The following BTD variants were observed in gnomAD, a reference collection of about 807,000 sequenced individuals.
BTD encodes biocytinase.
BTD carries 13 observed loss-of-function variants against 17.7 expected under a neutral mutation model. The observed-to-expected ratio is 0.74, with a 90% CI of 0.48 to 1.17. The LOEUF (loss-of-function observed/expected upper bound fraction) is 1.17, where lower values mean the gene tolerates loss of function less well. BTD is among the 50% of genes most tolerant of loss of function. BTD has a pLI of 0.00. For missense variants in BTD, 674 were observed against 650.4 expected, an observed-to-expected ratio of 1.04 and a Z score of -0.39; for synonymous variants, 240 against 245.2, an observed-to-expected ratio of 0.98 and a Z score of 0.20.
intron 3 of BTD, chr3:15,642,300 A>G (rs1376159477): frequency 2.1e-6 from 3 of 1,408,886 alleles, no homozygotes; most frequent in Non-Finnish European, 2.8e-6. Flanking sequence ...ACAGGAATGT[A>G]TACTTAAACC....
At chr3:15,603,148 G>C (rs147756762) in intron 1 of BTD, among the ~76,000 whole-genome samples, 1 of 152,194 alleles carries the variant, frequency 6.6e-6, no homozygotes, top group Non-Finnish European at 1.5e-5. Context: ...GATTATGGGA[G>C]CTATAATTCA....
chr3:15,636,247 G>A (rs186154070), intron 2 of BTD, among the ~76,000 whole-genome samples: 514 of 152,262 alleles, frequency 3.4e-3, no homozygotes, highest in Admixed American at 7.1e-3. Flanking sequence ...CAAGAATGCC[G>A]TTTGCTCCCT....
intron 1 of BTD, among the ~76,000 whole-genome samples, chr3:15,617,750 T>C (rs2064834740): frequency 6.6e-6 from 1 of 152,232 alleles, no homozygotes; most frequent in East Asian, 1.9e-4. Flanking sequence ...TAAGACCAGT[T>C]GACTGTATTT....
At chr3:15,654,889 C>T (rs2065856372), downstream of BTD, among the ~76,000 whole-genome samples, 1 of 152,224 alleles carries the variant, frequency 6.6e-6, no homozygotes, top group Non-Finnish European at 1.5e-5. Flanking sequence ...CATGCGCCAC[C>T]ATACCCGGCT....
In BTD at chr3:15,635,532, CCAT is replaced by C; in HGVS notation, c.96_98del (p.His33del). On this transcript the variant is annotated inframe_deletion, in exon 2 of 4. Coordinates refer to ENST00000643237, the MANE Select transcript of BTD (RefSeq NM_001370658.1). This position sits in a 1 kb window ranked among gnomAD's most constrained non-coding sequence, Gnocchi z 4.1. ...ACACCGGGGAGGAGAGCGTGGCTGACCATCACGAGGCTGAATATTATGTGGCTG... is the reference window on the plus strand; with the variant it reads ...ACACCGGGGAGGAGAGCGTGGCTGACCACGAGGCTGAATATTATGTGGCTG... 1 of 1,614,186 alleles carries C rather than the reference CCAT, an allele frequency of 6.2e-7. No homozygotes were observed. The highest frequency in any genetic ancestry group is 8.5e-7 in the Non-Finnish European group (1 of 1,180,044).
At chr3:15,694,673 A>C in intron 3 of BTD, 1 of 1,411,756 alleles carries the variant, frequency 7.1e-7, no homozygotes. Flanking sequence ...GAGTCAACAC[A>C]AATAGGTTAT....
chr3:15,713,594 T>G, downstream of BTD: 10 of 1,610,644 alleles, frequency 6.2e-6, no homozygotes, highest in Non-Finnish European at 8.5e-6. Flanking sequence ...CGTGCTGCTA[T>G]GTGCAAAGGG....
chr3:15,643,044 A>T lies in BTD; in HGVS notation c.399+987A>T, dbSNP rs1186404204. 2.2e-4 allele frequency among the ~76,000 whole-genome samples: 26 copies of T among 116,990 alleles called. No individual in the cohort carries two copies. In the South Asian group the frequency reaches 4.5e-3, roughly 20 times the overall value. The allele number at this position is 116,990 out of a possible 152,430, so 76.7% of individuals were successfully genotyped here. ...CTCTGCCTCAAAAAAAAAAAAAAAA[A>T]TAAAATAAAATAAAGAAATGGAATC... On this transcript the variant is annotated intron_variant, in intron 3 of 3. Coordinates refer to ENST00000643237, the MANE Select transcript of BTD (RefSeq NM_001370658.1).
intron 1 of BTD, among the ~76,000 whole-genome samples, chr3:15,610,073 G>A (rs2064569787): frequency 6.6e-6 from 1 of 152,088 alleles, no homozygotes; most frequent in African/African-American, 2.4e-5. Context: ...GATTTGCTGT[G>A]TAATTAACCA....
Position 15,646,319 on chromosome 3 carries a change from G to A in BTD, c.*831G>A, listed in dbSNP as rs1315672397. The A allele has an allele frequency of 6.6e-6, 1 of 152,288 alleles. No homozygotes were observed. The highest frequency in any genetic ancestry group is 1.5e-5 in the Non-Finnish European group (1 of 68,106). 9.4% of individuals were successfully genotyped at this position (152,288 alleles called of 1,614,324 possible). ...ATCACGGTAGCTTTGGGCAAGAGTTGGGCACGTTGCCCGACTGTGCAGGAT... is the reference window on the plus strand; with the variant it reads ...ATCACGGTAGCTTTGGGCAAGAGTTAGGCACGTTGCCCGACTGTGCAGGAT... On this transcript the variant is annotated 3_prime_UTR_variant, in exon 4 of 4. Coordinates refer to ENST00000643237, the MANE Select transcript of BTD (RefSeq NM_001370658.1).
intron 1 of BTD, among the ~76,000 whole-genome samples, chr3:15,630,395 G>A (rs531675611): frequency 7.9e-5 from 12 of 152,326 alleles, no homozygotes; most frequent in Admixed American, 1.3e-4. Context: ...TCTATAGAAA[G>A]TGAAAGACAG....
intron 3 of BTD, among the ~76,000 whole-genome samples, chr3:15,689,461 G>T (rs768295926): frequency 6.6e-6 from 1 of 152,188 alleles, no homozygotes; most frequent in Non-Finnish European, 1.5e-5. Context: ...ATTGCAGAAG[G>T]TATCAGCAAG....
chr3:15,604,747 C>G (rs2064391615), intron 1 of BTD, among the ~76,000 whole-genome samples: 1 of 152,186 alleles, frequency 6.6e-6, no homozygotes, highest in Non-Finnish European at 1.5e-5. Context: ...GTTCAAAGTT[C>G]CACAGATCTC....
At chr3:15,675,807 C>T in intron 3 of BTD, 16 of 1,114,600 alleles carry the variant, frequency 1.4e-5, no homozygotes, top group Non-Finnish European at 1.9e-5. Flanking sequence ...CCTCTTTGAC[C>T]AATAAAAAAT....
chr3:15,712,870 T>G (rs1253798065), downstream of BTD, among the ~76,000 whole-genome samples: 6 of 152,182 alleles, frequency 3.9e-5, no homozygotes, highest in East Asian at 9.6e-4. Flanking sequence ...TGGAAAAAGT[T>G]ACAAAACAGA....
Position 15,644,649 on chromosome 3 carries a change from C to G in BTD, c.733C>G (p.His245Asp). The change falls in exon 4 of 4, where the codon CAT becomes GAT. Residue 245 changes from histidine (H) to aspartate (D), a missense_variant. By Grantham distance (81) the His-to-Asp change is moderately conservative. Coordinates refer to ENST00000643237, the MANE Select transcript of BTD (RefSeq NM_001370658.1). ...AGTCCTCAGAGACTACAAGGTGAAG[C>G]ATGTTGTGTACCCAACTGCCTGGAT... ...IRVLRDYKVK[H>D]VVYPTAWMNQ... 1 of 1,614,200 alleles carries G rather than the reference C, an allele frequency of 6.2e-7. No homozygotes were observed. Among genetic ancestry groups the G allele is most frequent in the Non-Finnish European group, 8.5e-7 (1 of 1,180,038 alleles).
At chr3:15,674,289 T>C (rs1419368230) in intron 3 of BTD, among the ~76,000 whole-genome samples, 4 of 150,684 alleles carry the variant, frequency 2.7e-5, no homozygotes, top group South Asian at 2.1e-4. Context: ...AAAGTGGGCA[T>C]ACTTTAGATC....
chr3:15,614,266 G>C (rs2064726282), intron 1 of BTD, among the ~76,000 whole-genome samples: 1 of 151,842 alleles, frequency 6.6e-6, no homozygotes, highest in Admixed American at 6.6e-5. Context: ...TGGGACCGCA[G>C]GTGTACACCA....
downstream of BTD, among the ~76,000 whole-genome samples, chr3:15,716,384 A>T (rs2073051239): frequency 6.7e-6 from 1 of 150,212 alleles, no homozygotes; most frequent in African/African-American, 2.5e-5. Flanking sequence ...CTTGAACTCT[A>T]GGGTTCAAGT....
Sources: gnomAD v4.1 joint callset for allele counts (sites outside exome capture counted in the v4.1 genomes callset) on GRCh38, gnomAD v4.1.1 for gene constraint, Gnocchi (gnomAD v3.1) non-coding constraint, MANE v1.5 for transcripts, NCBI Gene and HGNC (gene_info 2026-07-23, HGNC 2026-07-21) for gene names.